Variants in GABRA5 observed in about 807,000 individuals in gnomAD.
GABRA5 encodes the protein gamma-aminobutyric acid type A receptor subunit alpha5, also known as gamma-aminobutyric acid receptor subunit alpha-5.
A neutral mutation model predicts 47.3 loss-of-function variants in GABRA5; 18 were observed. The ratio of observed to expected loss-of-function variants is 0.38; its 90% CI spans 0.26 to 0.56. GABRA5 has a LOEUF of 0.56. Ranked by LOEUF, GABRA5 falls within the 20% of genes least tolerant of loss-of-function variation. GABRA5 has a pLI of 0.71. For missense variants in GABRA5, 365 were observed against 599.3 expected (o/e 0.61, Z 4.08); for synonymous variants, 237 against 229.3 (o/e 1.03, Z -0.30).
chr15:26,930,790 C>T (rs781169032), intron 7 of GABRA5, among the ~76,000 whole-genome samples: 7 of 152,104 alleles, frequency 4.6e-5, no homozygotes, highest in Admixed American at 2.0e-4. Flanking sequence ...CCCAAAGCCA[C>T]TTCCACATTT....
At chr15:26,898,838 T>C (rs1261696763) in intron 6 of GABRA5, among the ~76,000 whole-genome samples, 1 of 152,062 alleles carries the variant, frequency 6.6e-6, no homozygotes, top group East Asian at 1.9e-4. Flanking sequence ...TAAATTTGAC[T>C]CCAGGCACTG....
Position 26,927,499 on chromosome 15 carries a change from C to A in GABRA5, c.581-9686C>A, listed in dbSNP as rs557600266. Among the ~76,000 whole-genome samples the A allele has an allele frequency of 6.6e-5, 10 of 152,088 alleles. 1 individual carries two copies. Among genetic ancestry groups the A allele is most frequent in the Non-Finnish European group, 1.2e-4 (8 of 68,018 alleles). On this transcript the variant is annotated intron_variant, in intron 7 of 10. Coordinates refer to ENST00000335625, the MANE Select transcript of GABRA5 (RefSeq NM_000810.4). Reference sequence around the variant, plus strand: ...CTGTTAATATTATTACTATGAAAAACAATAAGAATGATTTTATTCATATGT... The same window carrying A: ...CTGTTAATATTATTACTATGAAAAAAAATAAGAATGATTTTATTCATATGT...
intron 8 of GABRA5, chr15:26,939,347 G>T (rs904981240): frequency 1.3e-6 from 1 of 765,272 alleles, no homozygotes. Context: ...CCAATGAAAT[G>T]CCCCCGATTT....
chr15:26,935,366 C>A (rs988986272), intron 7 of GABRA5, among the ~76,000 whole-genome samples: 5 of 152,252 alleles, frequency 3.3e-5, no homozygotes, highest in Non-Finnish European at 7.3e-5. Flanking sequence ...TTCATCCTTA[C>A]AATGATTATT....
chr15:26,915,702 C>T (rs1893702027), intron 7 of GABRA5, among the ~76,000 whole-genome samples: 1 of 152,172 alleles, frequency 6.6e-6, no homozygotes, highest in African/African-American at 2.4e-5. Flanking sequence ...TCTTTCTACT[C>T]TTCACTTGTG....
At chr15:26,935,499 C>T (rs1020366007) in intron 7 of GABRA5, among the ~76,000 whole-genome samples, 8 of 152,220 alleles carry the variant, frequency 5.3e-5, no homozygotes, top group South Asian at 4.1e-4. Context: ...CGGCCCCAGC[C>T]GGCCTCCCCA....
intron 4 of GABRA5, among the ~76,000 whole-genome samples, chr15:26,881,902 G>C (rs1426254048): frequency 1.3e-5 from 2 of 152,114 alleles, no homozygotes; most frequent in Admixed American, 6.5e-5. Flanking sequence ...GTTTCACCAT[G>C]TTGGCCAGGC....
chr15:26,877,291 ATTG>A (rs146677074), intron 3 of GABRA5, among the ~76,000 whole-genome samples: 57 of 152,258 alleles, frequency 3.7e-4, no homozygotes, highest in African/African-American at 1.2e-3. Flanking sequence ...TTTCTGTTAC[ATTG>A]TTGTTGTTTT....
At position 26,884,622 on chromosome 15, in the gene GABRA5, C is replaced by A. The variant is rs143895314; in HGVS notation, c.497+1065C>A. Reference sequence around the variant, plus strand: ...ATCATAGTGGAAAGTAATATTGATGCTCTCATCTTTGGAGGATCTGTGTTT... The same window carrying A: ...ATCATAGTGGAAAGTAATATTGATGATCTCATCTTTGGAGGATCTGTGTTT... On this transcript the variant is annotated intron_variant, in intron 6 of 10. Coordinates refer to ENST00000335625, the MANE Select transcript of GABRA5 (RefSeq NM_000810.4). Among the ~76,000 whole-genome samples, 119 of 152,254 alleles carry A rather than the reference C, an allele frequency of 7.8e-4. 1 individual carries two copies. Among genetic ancestry groups the A allele is most frequent in the African/African-American group, 2.7e-3 (111 of 41,548 alleles).
intron 3 of GABRA5, among the ~76,000 whole-genome samples, chr15:26,878,933 C>T (rs774348546): frequency 5.9e-5 from 9 of 152,158 alleles, no homozygotes; most frequent in Non-Finnish European, 1.2e-4. Context: ...TCTTTATCTC[C>T]GCTTCTGGAG....
intron 3 of GABRA5, among the ~76,000 whole-genome samples, chr15:26,880,062 C>G (rs1237710270): frequency 1.3e-5 from 2 of 152,234 alleles, no homozygotes; most frequent in African/African-American, 4.8e-5. Flanking sequence ...TCTGTCCCCC[C>G]AGATACCATC....
intron 6 of GABRA5, among the ~76,000 whole-genome samples, chr15:26,912,615 C>T (rs940867114): frequency 1.3e-4 from 20 of 152,164 alleles, no homozygotes; most frequent in African/African-American, 4.1e-4. Context: ...GATAATTACA[C>T]ATACAGACAG....
rs72082419 is a variant in GABRA5, at chr15:26,930,006, C to CTTTTTTTTTTTTT, written c.581-7175_581-7163dup. On this transcript the variant is annotated intron_variant, in intron 7 of 10. Coordinates refer to ENST00000335625, the MANE Select transcript of GABRA5 (RefSeq NM_000810.4). ...CTTTCTTCTTCTTCTTCTTCTTCTTCTTTTTTTTTTTTTTTTGTTTTTTGT... is the reference window on the plus strand; with the variant it reads ...CTTTCTTCTTCTTCTTCTTCTTCTTCTTTTTTTTTTTTTTTTTTTTTTTTTTTTTGTTTTTTGT... Among the ~76,000 whole-genome samples the CTTTTTTTTTTTTT allele has an allele frequency of 7.9e-5, 9 of 113,376 alleles. 1 individual carries two copies. The East Asian group carries it at 1.5e-3, about 19-fold the overall frequency. 74.4% of individuals were successfully genotyped at this position (113,376 alleles called of 152,430 possible). A position where few individuals can be genotyped will look rare whatever the true frequency, so the allele number is the denominator to read the frequency against.
chr15:26,879,314 T>C (rs1205996105), intron 3 of GABRA5, among the ~76,000 whole-genome samples: 1 of 152,190 alleles, frequency 6.6e-6, no homozygotes, highest in Non-Finnish European at 1.5e-5. Flanking sequence ...GTACAAAATA[T>C]AACCTTCTTT....
chr15:26,894,436 G>A (rs1414258793), intron 6 of GABRA5, among the ~76,000 whole-genome samples: 1 of 152,128 alleles, frequency 6.6e-6, no homozygotes, highest in Admixed American at 6.5e-5. Context: ...CTCCCGGAAC[G>A]ATCCCGGGCC....
intron 6 of GABRA5, among the ~76,000 whole-genome samples, chr15:26,887,682 A>G (rs900968439): frequency 5.3e-5 from 8 of 152,310 alleles, no homozygotes; most frequent in African/African-American, 1.9e-4. Flanking sequence ...TGAGACAAAC[A>G]TCTAGAAATG....
chr15:26,879,715 T>TCTGACCTCAGCATCTCTC (rs750292901), intron 3 of GABRA5, among the ~76,000 whole-genome samples: 75 of 152,326 alleles, frequency 4.9e-4, no homozygotes, highest in Non-Finnish European at 9.8e-4. Context: ...CTGCATCGAT[T>TCTGACCTCAGCATCTCTC]CTGACCTCAG....
At chr15:26,918,776 T>C (rs1464285560) in intron 7 of GABRA5, among the ~76,000 whole-genome samples, 2 of 152,202 alleles carry the variant, frequency 1.3e-5, no homozygotes, top group Non-Finnish European at 2.9e-5. Context: ...CCCTGCTCTC[T>C]TTTCATGGCC....
chr15:26,921,920 T>G (rs1358375680), intron 7 of GABRA5, among the ~76,000 whole-genome samples: 2 of 152,202 alleles, frequency 1.3e-5, no homozygotes, highest in African/African-American at 4.8e-5. Flanking sequence ...TTTTTGTCAT[T>G]GACTTCTAGT....
Sources: allele counts gnomAD v4.1 joint callset (sites outside exome capture counted in the v4.1 genomes callset), GRCh38; gene constraint gnomAD v4.1.1; transcripts MANE v1.5; gene names NCBI Gene and HGNC (gene_info 2026-07-23, HGNC 2026-07-21).